The following DLGAP1 variants were observed in gnomAD, a reference collection of about 807,000 sequenced individuals.
The protein encoded by DLGAP1 is DLG associated protein 1, also known as disks large-associated protein 1.
Under a neutral mutation model 90.8 loss-of-function variants are expected in DLGAP1, and 11 were observed. That is an observed-to-expected ratio of 0.12 (90% CI 0.08 to 0.20). The LOEUF (loss-of-function observed/expected upper bound fraction) is 0.20. Ranked by LOEUF, DLGAP1 falls within the 10% of genes least tolerant of loss-of-function variation. The pLI, the probability that DLGAP1 is intolerant of heterozygous loss-of-function variation, is 1.00. For synonymous variants in DLGAP1, 558 were observed against 540.7 expected (o/e 1.03, Z -0.44); for missense variants, 1,050 against 1,333.8 (o/e 0.79, Z 3.31).
At chr18:4,390,926 G>A (rs927163744) in intron 1 of DLGAP1, among the ~76,000 whole-genome samples, 1 of 152,314 alleles carries the variant, frequency 6.6e-6, no homozygotes, top group Non-Finnish European at 1.5e-5. Context: ...TCTTGGGCCT[G>A]CTCCATCAGC....
intron 1 of DLGAP1, among the ~76,000 whole-genome samples, chr18:4,377,963 C>T (rs952353753): frequency 2.0e-5 from 3 of 151,596 alleles, no homozygotes; most frequent in Admixed American, 6.6e-5. Flanking sequence ...TTAACCTTTA[C>T]TGAGCATGTA....
At chr18:3,523,715 C>T (rs558993475) in intron 10 of DLGAP1, among the ~76,000 whole-genome samples, 17 of 151,888 alleles carry the variant, frequency 1.1e-4, no homozygotes, top group South Asian at 2.1e-4. Flanking sequence ...GGCGTGGTGG[C>T]GTGCGCCCGT....
At chr18:4,200,379 T>G (rs1030248041) in intron 1 of DLGAP1, among the ~76,000 whole-genome samples, 2 of 151,754 alleles carry the variant, frequency 1.3e-5, no homozygotes, top group African/African-American at 4.8e-5. Flanking sequence ...AATAAAATTA[T>G]TTTCTATTTT....
At chr18:3,865,399 T>C (rs1023790622) in intron 4 of DLGAP1, among the ~76,000 whole-genome samples, 1 of 152,198 alleles carries the variant, frequency 6.6e-6, no homozygotes, top group Non-Finnish European at 1.5e-5. Context: ...ACATTTCCAC[T>C]GACATGAAAT....
intron 7 of DLGAP1, among the ~76,000 whole-genome samples, chr18:3,625,718 A>C: frequency 6.6e-6 from 1 of 152,194 alleles, no homozygotes; most frequent in East Asian, 1.9e-4. Flanking sequence ...TAGTTCAGAA[A>C]GCATTTGTAA....
intron 1 of DLGAP1, among the ~76,000 whole-genome samples, chr18:4,246,193 G>A (rs1429107592): frequency 2.6e-5 from 4 of 151,926 alleles, no homozygotes; most frequent in African/African-American, 9.7e-5. Flanking sequence ...GTGGTAAAAT[G>A]TAATTAGGTT....
chr18:3,938,842 A>C (rs1484038140), intron 3 of DLGAP1, among the ~76,000 whole-genome samples: 1 of 152,172 alleles, frequency 6.6e-6, no homozygotes, highest in Admixed American at 6.5e-5. Flanking sequence ...GGGAATACAC[A>C]GTAGTGGACA....
intron 7 of DLGAP1, among the ~76,000 whole-genome samples, chr18:3,647,428 G>A (rs2059159569): frequency 6.7e-6 from 1 of 150,134 alleles, no homozygotes; most frequent in African/African-American, 2.4e-5. Flanking sequence ...ATGCTAAACA[G>A]TTTACTAGGT....
chr18:3,716,875 T>C (rs1032221834), intron 7 of DLGAP1, among the ~76,000 whole-genome samples: 31 of 151,764 alleles, frequency 2.0e-4, no homozygotes, highest in Non-Finnish European at 5.9e-5. Context: ...GTGCCTTTAA[T>C]CCCAGCACTT....
At chr18:3,827,385 G>A (rs2067778597) in intron 4 of DLGAP1, among the ~76,000 whole-genome samples, 1 of 152,146 alleles carries the variant, frequency 6.6e-6, no homozygotes, top group Non-Finnish European at 1.5e-5. Context: ...TGGAAGCTGA[G>A]TGAAAAAAGT....
At chr18:4,168,108 T>C (rs1332462320) in intron 1 of DLGAP1, among the ~76,000 whole-genome samples, 1 of 152,034 alleles carries the variant, frequency 6.6e-6, no homozygotes, top group Non-Finnish European at 1.5e-5. Flanking sequence ...TATATGGAAA[T>C]AAACAGGCGC....
intron 2 of DLGAP1, among the ~76,000 whole-genome samples, chr18:4,058,980 G>A (rs1050309304): frequency 2.6e-5 from 4 of 152,234 alleles, no homozygotes; most frequent in African/African-American, 9.6e-5. Context: ...AGGCTCAAGA[G>A]ACCCACAGGA....
intron 3 of DLGAP1, chr18:3,895,912 C>A (rs780397660): frequency 6.6e-6 from 1 of 152,224 alleles, no homozygotes; most frequent in African/African-American, 2.4e-5. Context: ...TCACTGAAGA[C>A]AAGGACATTT....
At chr18:4,204,752 G>T (rs367804142) in intron 1 of DLGAP1, among the ~76,000 whole-genome samples, 7 of 152,264 alleles carry the variant, frequency 4.6e-5, no homozygotes, top group East Asian at 3.9e-4. Context: ...ATTCAGTTTA[G>T]AATTGTAAAG....
chr18:4,162,442 A>G (rs980544288), intron 1 of DLGAP1, among the ~76,000 whole-genome samples: 5 of 152,164 alleles, frequency 3.3e-5, no homozygotes, highest in Non-Finnish European at 7.3e-5. Context: ...TTTTAAAGAA[A>G]ATTTTGTCAC....
At chr18:3,904,155 C>G (rs2071845196) in intron 3 of DLGAP1, among the ~76,000 whole-genome samples, 1 of 152,196 alleles carries the variant, frequency 6.6e-6, no homozygotes, top group African/African-American at 2.4e-5. Flanking sequence ...GGGGATAAAT[C>G]CCCTAAGTAA....
At chr18:4,086,027 G>A (rs139681905) in intron 2 of DLGAP1, among the ~76,000 whole-genome samples, 113 of 152,250 alleles carry the variant, frequency 7.4e-4, no homozygotes, top group Admixed American at 1.6e-3. Flanking sequence ...GAGGTTGTTC[G>A]TGTCAAATAA....
At chr18:4,318,577 G>GC (rs1373953781) in intron 1 of DLGAP1, among the ~76,000 whole-genome samples, 1 of 152,108 alleles carries the variant, frequency 6.6e-6, no homozygotes, top group Non-Finnish European at 1.5e-5. Context: ...ACACACAAAG[G>GC]CTTTTCTGGA....
chr18:4,291,049 A>G (rs776365041), intron 1 of DLGAP1, among the ~76,000 whole-genome samples: 1 of 152,220 alleles, frequency 6.6e-6, no homozygotes, highest in African/African-American at 2.4e-5. Flanking sequence ...CTTAGAATCT[A>G]GGTTTCATTT....
Sources: allele counts gnomAD v4.1 joint callset (sites outside exome capture counted in the v4.1 genomes callset), GRCh38; gene constraint gnomAD v4.1.1; transcripts MANE v1.5; gene names NCBI Gene and HGNC (gene_info 2026-07-23, HGNC 2026-07-21).